RANBP2: variants seen among roughly 807,000 people sequenced by gnomAD.
The protein encoded by RANBP2 is E3 SUMO-protein ligase RanBP2.
In RANBP2, 57 loss-of-function variants were observed where a neutral mutation model predicts 303.6. The ratio of observed to expected loss-of-function variants is 0.19; its 90% CI spans 0.15 to 0.23. The LOEUF is 0.23. Among genes scored for constraint, RANBP2 ranks in the 10% least tolerant of loss-of-function variants. RANBP2 has a pLI of 1.00. For missense variants in RANBP2, 3,138 were observed against 3,780.8 expected (o/e 0.83, Z 4.46); for synonymous variants, 1,167 against 1,301.5 (o/e 0.90, Z 2.23).
At chr2:109,523,500 T>G in the RANBP2 span, among the ~76,000 whole-genome samples, 1 of 152,186 alleles carries the variant, frequency 6.6e-6, no homozygotes, top group Non-Finnish European at 1.5e-5. Context: ...AGATGTGCCG[T>G]GATACACACG....
the RANBP2 span, among the ~76,000 whole-genome samples, chr2:109,391,050 C>T: frequency 5.3e-4 from 80 of 152,314 alleles, no homozygotes; most frequent in Middle Eastern, 0.01. Flanking sequence ...CCAGCCTGCA[C>T]CTGACAGGGA....
At chr2:109,553,038 T>A in the RANBP2 span, 1 of 1,587,014 alleles carries the variant, frequency 6.3e-7, no homozygotes, top group Non-Finnish European at 8.6e-7. Flanking sequence ...TCCAAATTAA[T>A]AGGACATCTA....
chr2:109,109,079 C>G, the RANBP2 span, among the ~76,000 whole-genome samples: 279 of 152,308 alleles, frequency 1.8e-3, no homozygotes, highest in South Asian at 8.5e-3. Context: ...CTGTGCTGGG[C>G]ACTGCCTGCT....
At position 108,726,026 on chromosome 2, in the gene RANBP2, A is replaced by G. The variant is rs144307358; in HGVS notation, c.73-3106A>G. 5.0e-3 allele frequency among the ~76,000 whole-genome samples: 763 copies of G among 152,274 alleles called. 4 individuals carry two copies. Among genetic ancestry groups the G allele is most frequent in the South Asian group, 0.021 (102 of 4,826 alleles). On this transcript the variant is annotated intron_variant, in intron 1 of 28. Transcript: ENST00000283195. ...TTTTCTGATTGTTCGTTGCTGGTAC[A>G]GTAGTCCCTTCTTATCCACAGTATT... is the stretch of plus-strand genomic sequence containing the variant.
chr2:108,850,881 C>A, the RANBP2 span, among the ~76,000 whole-genome samples: 1 of 152,006 alleles, frequency 6.6e-6, no homozygotes, highest in South Asian at 2.1e-4. Flanking sequence ...GAGGTTTTTC[C>A]CCACATACCA....
At chr2:108,722,234 A>AC (rs1477788749) in intron 1 of RANBP2, among the ~76,000 whole-genome samples, 1 of 152,242 alleles carries the variant, frequency 6.6e-6, no homozygotes, top group East Asian at 1.9e-4. Context: ...GGTTATTATG[A>AC]CACCTCTCTT....
chr2:108,932,283 C>A, the RANBP2 span, among the ~76,000 whole-genome samples: 71 of 152,130 alleles, frequency 4.7e-4, 1 homozygote, highest in Admixed American at 3.7e-3. Flanking sequence ...AATCCCAGCA[C>A]TTTGGGAGGC....
the RANBP2 span, among the ~76,000 whole-genome samples, chr2:109,314,066 G>A: frequency 2.6e-4 from 40 of 152,228 alleles, no homozygotes; most frequent in South Asian, 7.5e-3. Flanking sequence ...GAAGAGAGGG[G>A]CCGTGAGACC....
chr2:108,847,761 T>C, the RANBP2 span, among the ~76,000 whole-genome samples: 1 of 152,240 alleles, frequency 6.6e-6, no homozygotes, highest in African/African-American at 2.4e-5. Flanking sequence ...ATGACAGTCA[T>C]TTAATTTGAC....
At chr2:109,004,749 C>T in the RANBP2 span, among the ~76,000 whole-genome samples, 5 of 152,198 alleles carry the variant, frequency 3.3e-5, no homozygotes, top group Non-Finnish European at 7.3e-5. Context: ...CTTCCTTGAG[C>T]TTTCTTCATT....
chr2:108,944,331 C>A, the RANBP2 span, among the ~76,000 whole-genome samples: 15 of 152,200 alleles, frequency 9.9e-5, no homozygotes, highest in African/African-American at 3.6e-4. Context: ...CGGGGCTGGT[C>A]CTGAACTCCT....
chr2:109,034,298 G>GAAT, the RANBP2 span, among the ~76,000 whole-genome samples: 52 of 125,484 alleles, frequency 4.1e-4, 6 homozygotes, highest in East Asian at 7.2e-4. Context: ...AAAAAAAAAG[G>GAAT]AAGGTTCAAA....
At chr2:109,458,764 G>A in the RANBP2 span, among the ~76,000 whole-genome samples, 2 of 152,234 alleles carry the variant, frequency 1.3e-5, no homozygotes, top group African/African-American at 4.8e-5. Flanking sequence ...GCCTTCAGCT[G>A]ATTGGGCGAG....
At chr2:108,972,644 C>T in the RANBP2 span, among the ~76,000 whole-genome samples, 1 of 152,256 alleles carries the variant, frequency 6.6e-6, no homozygotes, top group Admixed American at 6.5e-5. Context: ...GTCTTCCCCA[C>T]TCTGCTTGCC....
chr2:109,310,039 T>A, the RANBP2 span, among the ~76,000 whole-genome samples: 1 of 119,380 alleles, frequency 8.4e-6, no homozygotes, highest in East Asian at 2.3e-4. Flanking sequence ...AGAATATACA[T>A]TTTTTTCAGC....
the RANBP2 span, among the ~76,000 whole-genome samples, chr2:109,036,794 G>A: frequency 1.3e-5 from 2 of 152,070 alleles, no homozygotes; most frequent in African/African-American, 2.4e-5. Context: ...GATTGCTTGA[G>A]CCCAGAAGTT....
chr2:108,923,292 C>T, the RANBP2 span: 1 of 1,450,662 alleles, frequency 6.9e-7, no homozygotes, highest in Non-Finnish European at 9.7e-7. Context: ...AGGACCGGCT[C>T]TTTCCTACAC....
the RANBP2 span, among the ~76,000 whole-genome samples, chr2:108,935,819 C>T: frequency 6.6e-6 from 1 of 152,182 alleles, no homozygotes. Context: ...TTTATCTGTC[C>T]AGGGAGCCAG....
At chr2:109,412,402 A>G in the RANBP2 span, among the ~76,000 whole-genome samples, 10 of 152,234 alleles carry the variant, frequency 6.6e-5, no homozygotes, top group East Asian at 9.6e-4. Context: ...TGCTTGTGCT[A>G]TGCTGGTTTG....
Sources: gnomAD v4.1 joint callset for allele counts (sites outside exome capture counted in the v4.1 genomes callset) on GRCh38, gnomAD v4.1.1 for gene constraint, MANE v1.5 for transcripts, NCBI Gene and HGNC (gene_info 2026-07-23, HGNC 2026-07-21) for gene names.